The following SLC39A10 variants were observed in gnomAD, a reference collection of about 807,000 sequenced individuals.
The protein encoded by SLC39A10 is solute carrier family 39 member 10, also known as zinc transporter ZIP10.
In SLC39A10, 13 loss-of-function variants were observed where a neutral mutation model predicts 65.1. The ratio of observed to expected loss-of-function variants is 0.20; its 90% CI spans 0.13 to 0.32. The LOEUF is 0.32. Among genes scored for constraint, SLC39A10 ranks in the 10% least tolerant of loss-of-function variants. The probability of loss-of-function intolerance (pLI) is 1.00; values close to 1 mark genes in which losing one functional copy is unlikely to be tolerated. For synonymous variants in SLC39A10, 321 were observed against 342.2 expected, an observed-to-expected ratio of 0.94 and a Z score of 0.68; for missense variants, 831 against 1,018.4, an observed-to-expected ratio of 0.82 and a Z score of 2.50.
intron 2 of SLC39A10, among the ~76,000 whole-genome samples, chr2:195,632,444 C>T (rs919503696): frequency 2.0e-5 from 3 of 151,544 alleles, no homozygotes; most frequent in Admixed American, 6.6e-5. Context: ...GGACTACAGG[C>T]GCTTGCCACC....
chr2:195,698,633 T>A (rs1691065859), intron 3 of SLC39A10, among the ~76,000 whole-genome samples: 1 of 152,018 alleles, frequency 6.6e-6, no homozygotes, highest in Non-Finnish European at 1.5e-5. Flanking sequence ...TATTGAACTT[T>A]TATTGCATTC....
chr2:195,680,876 T>C lies in SLC39A10; in HGVS notation c.834T>C (p.Ser278=). The C allele has an allele frequency of 1.9e-6, 3 of 1,614,172 alleles. No homozygotes were observed. Among genetic ancestry groups the C allele is most frequent in the Non-Finnish European group, 2.5e-6 (3 of 1,180,020 alleles). The part of the protein sequence containing the change: ...KPDRVHNPGH[S]HVHLPERNGH... ...ATCGTGTACATAACCCAGGTCATTC[T>C]CATGTACATCTTCCAGAACGTAATG... The change falls in exon 2 of 10, where the codon TCT becomes TCC. Residue 278 remains serine (S), a synonymous_variant. Transcript: ENST00000359634.
intron 2 of SLC39A10, 105 bp from the exon 3 acceptor site, chr2:195,683,594 T>C (rs750390952): frequency 1.3e-5 from 11 of 828,072 alleles, no homozygotes; most frequent in Non-Finnish European, 2.1e-5. Context: ...TATTACAGAT[T>C]ATTTGCAAGT....
At chr2:195,637,952 T>C (rs904164822) in intron 2 of SLC39A10, among the ~76,000 whole-genome samples, 2 of 152,068 alleles carry the variant, frequency 1.3e-5, no homozygotes, top group African/African-American at 4.8e-5. Flanking sequence ...ACTTAAGAGA[T>C]GGGAAGAAGA....
chr2:195,720,314 C>A (rs552642301), intron 8 of SLC39A10, among the ~76,000 whole-genome samples: 19 of 152,168 alleles, frequency 1.2e-4, no homozygotes, highest in Non-Finnish European at 2.4e-4. Flanking sequence ...AATTTAGTTT[C>A]TCTCCACATG....
At position 195,636,970 on chromosome 2, in the gene SLC39A10, G is replaced by A. The variant is rs569233274; in HGVS notation, c.-12+30737G>A. Among the ~76,000 whole-genome samples the A allele has an allele frequency of 1.1e-4, 16 of 152,208 alleles. No individual in the cohort carries two copies. In the South Asian group the frequency reaches 2.5e-3, roughly 24 times the overall value. On this transcript the variant is annotated intron_variant, in intron 2 of 2. Coordinates refer to the SLC39A10 transcript ENST00000458054. ...TAGACTAATAAAATATTTACCATTT[G>A]GGGCTTGGTTTTGGCCTCCCCTATG...
chr2:195,669,581 G>A (rs1054120639), intron 1 of SLC39A10, among the ~76,000 whole-genome samples: 1 of 152,220 alleles, frequency 6.6e-6, no homozygotes, highest in African/African-American at 2.4e-5. Flanking sequence ...GATTTGTCAT[G>A]TTAACCATTT....
chr2:195,617,704 C>CTTTTATTTTA (rs769524272), intron 2 of SLC39A10, among the ~76,000 whole-genome samples: 4,305 of 138,066 alleles, frequency 0.031, 194 homozygotes, highest in Non-Finnish European at 0.04. Flanking sequence ...GACCTTGTTT[C>CTTTTATTTTA]TTTTCTTTTC....
intron 2 of SLC39A10, among the ~76,000 whole-genome samples, chr2:195,617,129 A>T (rs1376076625): frequency 6.6e-6 from 1 of 152,222 alleles, no homozygotes; most frequent in Non-Finnish European, 1.5e-5. Context: ...AGTGCATTAT[A>T]GGACATTTAC....
intron 2 of SLC39A10, among the ~76,000 whole-genome samples, chr2:195,644,803 CA>C (rs879723988): frequency 7.9e-4 from 108 of 136,810 alleles, no homozygotes; most frequent in Admixed American, 9.5e-4. Context: ...CATCCTGTCT[CA>C]AAAAAAAAAA....
chr2:195,726,438 C>T (rs1020636997), intron 8 of SLC39A10, among the ~76,000 whole-genome samples: 1 of 151,936 alleles, frequency 6.6e-6, no homozygotes, highest in African/African-American at 2.4e-5. Flanking sequence ...GCTCTTTCCA[C>T]AGAGAAAAAG....
At chr2:195,659,272 G>T (rs1045810957) in intron 1 of SLC39A10, among the ~76,000 whole-genome samples, 5 of 152,160 alleles carry the variant, frequency 3.3e-5, no homozygotes, top group Non-Finnish European at 5.9e-5. Context: ...CATAGGAAAT[G>T]ACATCAATAA....
At chr2:195,709,354 C>T (rs771308255) in intron 5 of SLC39A10, among the ~76,000 whole-genome samples, 27 of 152,126 alleles carry the variant, frequency 1.8e-4, no homozygotes, top group Non-Finnish European at 3.4e-4. Context: ...GCCTCGGCCT[C>T]CTAAGTGGGT....
intron 3 of SLC39A10, among the ~76,000 whole-genome samples, chr2:195,691,099 G>A (rs1318482844): frequency 1.3e-5 from 2 of 152,052 alleles, no homozygotes; most frequent in African/African-American, 2.4e-5. Context: ...GAGAACATAC[G>A]ATGTTTGGTG....
At chr2:195,732,258 A>G (rs1692454421) in intron 9 of SLC39A10, among the ~76,000 whole-genome samples, 1 of 152,222 alleles carries the variant, frequency 6.6e-6, no homozygotes, top group Non-Finnish European at 1.5e-5. Flanking sequence ...CTTTGGCTCT[A>G]TGGAGGAAGA....
At chr2:195,620,395 A>C (rs1299557590) in intron 2 of SLC39A10, among the ~76,000 whole-genome samples, 1 of 152,220 alleles carries the variant, frequency 6.6e-6, no homozygotes, top group African/African-American at 2.4e-5. Context: ...GCATTGTAGA[A>C]ATACTTCCCC....
At chr2:195,694,563 T>A (rs1690866610) in intron 3 of SLC39A10, among the ~76,000 whole-genome samples, 1 of 152,192 alleles carries the variant, frequency 6.6e-6, no homozygotes, top group African/African-American at 2.4e-5. Context: ...TCCAGGCTGG[T>A]ACTAGGGAGT....
chr2:195,716,336 G>C (rs934689719), intron 6 of SLC39A10, among the ~76,000 whole-genome samples: 1 of 151,962 alleles, frequency 6.6e-6, no homozygotes, highest in Admixed American at 6.6e-5. Context: ...TCCTCACTTT[G>C]CCTGCTTTTG....
intron 3 of SLC39A10, among the ~76,000 whole-genome samples, chr2:195,687,250 T>C (rs948361051): frequency 7.9e-5 from 12 of 152,174 alleles, no homozygotes; most frequent in African/African-American, 2.2e-4. Flanking sequence ...TAAAATAGAT[T>C]TATTTGTTCC....
Sources: gnomAD v4.1 joint callset for allele counts (sites outside exome capture counted in the v4.1 genomes callset) on GRCh38, gnomAD v4.1.1 for gene constraint, MANE v1.5 for transcripts, NCBI Gene and HGNC (gene_info 2026-07-23, HGNC 2026-07-21) for gene names.